The following POC1A variants were observed in gnomAD, a reference collection of about 807,000 sequenced individuals.
The protein encoded by POC1A is POC1 centriolar protein homolog A.
A neutral mutation model predicts 47.8 loss-of-function variants in POC1A; 34 were observed. The observed-to-expected ratio is 0.71, with a 90% CI of 0.54 to 0.95. POC1A has a LOEUF of 0.95. Ranked by LOEUF, POC1A falls within the 40% of genes least tolerant of loss-of-function variation. The pLI is 0.00. For synonymous variants in POC1A, 177 were observed against 207.6 expected (o/e 0.85, Z 1.27); for missense variants, 466 against 528.3 (o/e 0.88, Z 1.16).
chr3:52,118,671 G>T (rs999747730), intron 9 of POC1A, among the ~76,000 whole-genome samples: 1 of 152,192 alleles, frequency 6.6e-6, no homozygotes, highest in Non-Finnish European at 1.5e-5. Flanking sequence ...CGACTGCTAC[G>T]CTGGAATGGG....
At chr3:52,086,402 T>C (rs553327753) in intron 10 of POC1A, among the ~76,000 whole-genome samples, 11 of 152,212 alleles carry the variant, frequency 7.2e-5, no homozygotes, top group Non-Finnish European at 1.5e-4. Flanking sequence ...GGTTTTGACT[T>C]CACTCAGATT....
chr3:52,104,804 C>A (rs969160669), intron 9 of POC1A, among the ~76,000 whole-genome samples: 1 of 152,222 alleles, frequency 6.6e-6, no homozygotes, highest in Non-Finnish European at 1.5e-5. Flanking sequence ...GGCAGGGCCT[C>A]CCAAGCAGCA....
intron 9 of POC1A, among the ~76,000 whole-genome samples, chr3:52,103,418 AG>A (rs1703065310): frequency 6.6e-6 from 1 of 152,124 alleles, no homozygotes; most frequent in African/African-American, 2.4e-5. Context: ...CCCACCTATT[AG>A]GGAGGCTAAG....
chr3:52,113,388 A>C (rs752986707), intron 9 of POC1A, among the ~76,000 whole-genome samples: 1 of 152,204 alleles, frequency 6.6e-6, no homozygotes, highest in Non-Finnish European at 1.5e-5. Context: ...CTCTGTTTCA[A>C]GCAGGAAACA....
At position 52,109,880 on chromosome 3, in the gene POC1A, T is replaced by C. The variant is rs558578180; in HGVS notation, c.981+12499A>G. Reference sequence around the variant, plus strand: ...CAATGCTGCTGTCCAATCTGGAAAATATAAACCACAAAGGGTTTTTTTCCA... The same window carrying C: ...CAATGCTGCTGTCCAATCTGGAAAACATAAACCACAAAGGGTTTTTTTCCA... On this transcript the variant is annotated intron_variant, in intron 9 of 10. Coordinates refer to ENST00000296484, the MANE Select transcript of POC1A (RefSeq NM_015426.5). 4.1e-4 allele frequency among the ~76,000 whole-genome samples: 62 copies of C among 152,246 alleles called. No individual in the cohort carries two copies. The Middle Eastern group carries it at 0.014, about 33-fold the overall frequency.
chr3:52,099,214 C>T (rs569379717), intron 9 of POC1A, among the ~76,000 whole-genome samples: 2 of 152,324 alleles, frequency 1.3e-5, no homozygotes, highest in East Asian at 1.9e-4. Context: ...CAGGGCCCAC[C>T]GAGGTAAAAT....
Position 52,140,557 on chromosome 3 carries a change from C to T in POC1A, c.680-2255G>A, listed in dbSNP as rs563861793. On this transcript the variant is annotated intron_variant, in intron 6 of 10. Coordinates refer to ENST00000296484, the MANE Select transcript of POC1A (RefSeq NM_015426.5). ...CCAGGGGCCCCCACCTGGTCAAGCC[C>T]ATCCAAGGGAAAGAATCTCTCCCAG... Among the ~76,000 whole-genome samples, 44 of 152,330 alleles carry T rather than the reference C, an allele frequency of 2.9e-4. No individual in the cohort carries two copies. In the South Asian group the frequency reaches 8.9e-3, roughly 31 times the overall value.
Position 52,154,397 on chromosome 3 carries a change from A to G in POC1A, c.-25T>C, listed in dbSNP as rs974588883. On this transcript the variant is annotated 5_prime_UTR_variant, in exon 1 of 11. Coordinates refer to ENST00000296484, the MANE Select transcript of POC1A (RefSeq NM_015426.5). ...TGGCGGGGCTGGCGGCGCCGAAGGC[A>G]GCTGCGGTGGCCGTTGCGGCCCGTT... 4.1e-6 allele frequency: 6 copies of G among 1,458,696 alleles called. No homozygotes were observed. The African/African-American group carries it at 6.0e-5, about 15-fold the overall frequency. The allele number at this position is 1,458,696 out of a possible 1,614,324, so 90.4% of individuals were successfully genotyped here. A position where few individuals can be genotyped will look rare whatever the true frequency, so the allele number is the denominator to read the frequency against.
rs1702465696 is a variant in POC1A at position 52,086,681 on chromosome 3, C to A, written c.1125+9888G>T. On this transcript the variant is annotated intron_variant, in intron 10 of 10. Transcript: ENST00000296484. The stretch of plus-strand genomic sequence containing the variant: ...CCCTCTGCAGACAGGGCCTGCAGCA[C>A]CTTCACACCACCCAAGGCTCTGCCT... Among the ~76,000 whole-genome samples, 3 of 152,362 alleles carry A rather than the reference C, an allele frequency of 2.0e-5. No homozygotes were observed. The South Asian group carries it at 6.2e-4, about 32-fold the overall frequency.
Position 52,149,303 on chromosome 3 carries a change from G to A in POC1A, c.362C>T (p.Ala121Val). Residue 121 changes from alanine to valine, a missense_variant, in exon 4 of 11, where the codon GCC (alanine) becomes GTC (valine). Coordinates refer to ENST00000296484, the MANE Select transcript of POC1A (RefSeq NM_015426.5). Reference sequence around the variant, plus strand: ...CACTTTGACTGTCTTGTCGTCAGAGGCTGTCACGAAGGACTGGCCATCACT... The same window carrying A: ...CACTTTGACTGTCTTGTCGTCAGAGACTGTCACGAAGGACTGGCCATCACT... ...FCSDGQSFVT[A>V]SDDKTVKVWA... The A allele has an allele frequency of 2.5e-6, 4 of 1,614,114 alleles. No homozygotes were observed. The highest frequency in any genetic ancestry group is 3.4e-6 in the Non-Finnish European group (4 of 1,179,954).
At chr3:52,087,878 G>A (rs1276001944) in intron 10 of POC1A, among the ~76,000 whole-genome samples, 1 of 152,184 alleles carries the variant, frequency 6.6e-6, no homozygotes, top group African/African-American at 2.4e-5. Flanking sequence ...CAGGCCACCA[G>A]GGAAGCCAAG....
At chr3:52,101,333 T>A (rs1702998537) in intron 9 of POC1A, among the ~76,000 whole-genome samples, 1 of 152,040 alleles carries the variant, frequency 6.6e-6, no homozygotes. Flanking sequence ...CCTCAGTCTT[T>A]ACTGTCCTAA....
intron 10 of POC1A, among the ~76,000 whole-genome samples, chr3:52,089,027 G>A (rs1329331198): frequency 2.0e-5 from 3 of 151,494 alleles, no homozygotes; most frequent in Non-Finnish European, 4.4e-5. Context: ...TTTGGAAGGG[G>A]GTGCTTTCTG....
intron 7 of POC1A, among the ~76,000 whole-genome samples, chr3:52,137,543 T>C (rs947165869): frequency 1.3e-5 from 2 of 151,862 alleles, no homozygotes; most frequent in Admixed American, 6.6e-5. Flanking sequence ...AAGTACTAGA[T>C]GTGAAAGGCC....
At chr3:52,138,695 AAC>A (rs1460012964) in intron 6 of POC1A, among the ~76,000 whole-genome samples, 1 of 152,230 alleles carries the variant, frequency 6.6e-6, no homozygotes, top group Non-Finnish European at 1.5e-5. Flanking sequence ...ACCAATGGAA[AAC>A]AAAACCCTTC....
intron 1 of POC1A, 144 bp downstream of exon 1, chr3:52,154,211 C>T: frequency 1.2e-6 from 1 of 840,816 alleles, no homozygotes; most frequent in Non-Finnish European, 1.8e-6. Context: ...GCGCCCCCTG[C>T]GCAGACAGTA....
At chr3:52,153,685 C>T (rs1289148578) in intron 1 of POC1A, among the ~76,000 whole-genome samples, 4 of 152,240 alleles carry the variant, frequency 2.6e-5, no homozygotes, top group African/African-American at 9.6e-5. Context: ...GCCTCATCTC[C>T]CTCAACAGTG....
intron 9 of POC1A, among the ~76,000 whole-genome samples, chr3:52,109,663 A>G (rs1703313290): frequency 6.6e-6 from 1 of 152,188 alleles, no homozygotes; most frequent in South Asian, 2.1e-4. Flanking sequence ...CGTTCTGACC[A>G]GCCTTTAGCA....
rs554129242 is a variant in POC1A at position 52,079,220 on chromosome 3, G to A, written c.1126-3235C>T. On this transcript the variant is annotated intron_variant, in intron 10 of 10. Coordinates refer to ENST00000296484, the MANE Select transcript of POC1A (RefSeq NM_015426.5). The surrounding 1 kb of genome is among the most constrained non-coding windows in gnomAD (Gnocchi z 4.6). ...CCCCACATACCCATACGAGGGTTCA[G>A]AAAATACATGCTACCTCGGTGTACA... Among the ~76,000 whole-genome samples the A allele has an allele frequency of 1.3e-5, 2 of 152,364 alleles. No individual in the cohort carries two copies. Among genetic ancestry groups the A allele is most frequent in the South Asian group, 4.1e-4 (2 of 4,832 alleles).
Sources: gnomAD v4.1 joint callset for allele counts (sites outside exome capture counted in the v4.1 genomes callset) on GRCh38, gnomAD v4.1.1 for gene constraint, Gnocchi (gnomAD v3.1) non-coding constraint, MANE v1.5 for transcripts, NCBI Gene and HGNC (gene_info 2026-07-23, HGNC 2026-07-21) for gene names.